CAMSAP1: variants seen among roughly 807,000 people sequenced by gnomAD.
The protein encoded by CAMSAP1 is calmodulin regulated spectrin associated protein 1.
Under a neutral mutation model 143.5 loss-of-function variants are expected in CAMSAP1, and 58 were observed. The ratio of observed to expected loss-of-function variants is 0.40; its 90% CI spans 0.33 to 0.50. CAMSAP1 has a LOEUF of 0.50. CAMSAP1 is among the 20% of genes least tolerant of loss of function. The probability of loss-of-function intolerance (pLI) is 0.45; values close to 1 mark genes in which losing one functional copy is unlikely to be tolerated. For missense variants in CAMSAP1, 1,969 were observed against 2,115.7 expected, an observed-to-expected ratio of 0.93 and a Z score of 1.36; for synonymous variants, 945 against 859.3, an observed-to-expected ratio of 1.10 and a Z score of -1.74.
At chr9:135,841,538 C>T (rs531808998) in intron 7 of CAMSAP1, among the ~76,000 whole-genome samples, 16 of 152,334 alleles carry the variant, frequency 1.1e-4, no homozygotes, top group South Asian at 4.1e-4. Flanking sequence ...CCCTGACTCC[C>T]GTGCCTCCTG....
chr9:135,847,521 C>T (rs1024381472), intron 7 of CAMSAP1, among the ~76,000 whole-genome samples: 3 of 151,558 alleles, frequency 2.0e-5, no homozygotes, highest in Admixed American at 2.0e-4. Context: ...ACTATGCAGC[C>T]ATTAAAAAAA....
At chr9:135,825,759 C>T (rs1835650859) in intron 8 of CAMSAP1, among the ~76,000 whole-genome samples, 1 of 149,154 alleles carries the variant, frequency 6.7e-6, no homozygotes, top group South Asian at 2.2e-4. Context: ...TGCAGACAGG[C>T]TGGGGAGATC....
chr9:135,899,316 C>T (rs967372383), intron 1 of CAMSAP1, among the ~76,000 whole-genome samples: 21 of 151,092 alleles, frequency 1.4e-4, no homozygotes, highest in African/African-American at 4.9e-5. Context: ...TGGCCGGGCG[C>T]GGTGGCTCAC....
chr9:135,869,540 T>C (rs1418752476), intron 3 of CAMSAP1, among the ~76,000 whole-genome samples: 1 of 147,682 alleles, frequency 6.8e-6, no homozygotes, highest in Non-Finnish European at 1.5e-5. Flanking sequence ...AAATAACAAA[T>C]GTTAGCAAGG....
intron 3 of CAMSAP1, among the ~76,000 whole-genome samples, chr9:135,879,035 C>T (rs1444822444): frequency 6.6e-6 from 1 of 152,172 alleles, no homozygotes; most frequent in Admixed American, 6.5e-5. Context: ...ACCACAGGAA[C>T]ATCAAGTCTG....
rs1248856207 is a variant in CAMSAP1 at position 135,826,902 on chromosome 9, G to A, written c.1223+505C>T. Among the ~76,000 whole-genome samples the A allele has an allele frequency of 2.0e-5, 3 of 152,118 alleles. No individual in the cohort carries two copies. Among genetic ancestry groups the A allele is most frequent in the East Asian group, 1.9e-4 (1 of 5,202 alleles). ...GATGAAAATTCATTTTAGAAAAAACGTTTTTTAAACAACTCTTTTTCTAGA... is the reference window on the plus strand; with the variant it reads ...GATGAAAATTCATTTTAGAAAAAACATTTTTTAAACAACTCTTTTTCTAGA... On this transcript the variant is annotated intron_variant, in intron 8 of 16. Coordinates refer to ENST00000389532, the MANE Select transcript of CAMSAP1 (RefSeq NM_015447.4). This position sits in a 1 kb window ranked among gnomAD's most constrained non-coding sequence, Gnocchi z 4.4.
chr9:135,866,624 A>G, intron 3 of CAMSAP1, 88 bp from the exon 4 acceptor site: 1 of 686,998 alleles, frequency 1.5e-6, no homozygotes, highest in Non-Finnish European at 2.7e-6. Flanking sequence ...CCCCCACTTC[A>G]CCTGATTCAC....
At chr9:135,828,638 A>G (rs1450877236) in intron 7 of CAMSAP1, among the ~76,000 whole-genome samples, 2 of 152,218 alleles carry the variant, frequency 1.3e-5, no homozygotes. Context: ...AGATTACCTG[A>G]AATTCTTTGA....
rs757687057 is a variant in CAMSAP1 at position 135,818,454 on chromosome 9, G to C, written c.4122C>G (p.His1374Gln). 5.0e-6 allele frequency: 8 copies of C among 1,601,594 alleles called. No homozygotes were observed. Among genetic ancestry groups the C allele is most frequent in the Admixed American group, 3.4e-5 (2 of 59,332 alleles). ...KPKKPRPKSV[H>Q]REESCSDSGT... is the part of the protein sequence containing the mutation. ...CGGAGTCGCTGCACGACTCTTCCCG[G>C]TGCACCGACTTCGGCCGCGGCTTCT... The change falls in exon 13 of 17, where the codon CAC (histidine) becomes CAG (glutamine). Residue 1374 changes from histidine (H) to glutamine (Q), a missense_variant. This residue lies in a region of CAMSAP1 where 1,390 missense variants were observed against 1,420.8 expected (regional missense o/e 0.98). Transcript: ENST00000389532. The surrounding 1 kb of genome is among the most constrained non-coding windows in gnomAD (Gnocchi z 7.7).
chr9:135,817,899 G>T (rs759913551), intron 14 of CAMSAP1, 78 bp downstream of exon 14: 2 of 1,091,656 alleles, frequency 1.8e-6, no homozygotes, highest in Admixed American at 2.2e-5. Flanking sequence ...CTCTCTCACC[G>T]TGTTTAATCA....
At chr9:135,883,674 A>C (rs1838031424) in intron 1 of CAMSAP1, among the ~76,000 whole-genome samples, 1 of 152,236 alleles carries the variant, frequency 6.6e-6, no homozygotes, top group Non-Finnish European at 1.5e-5. Context: ...CAGCAGCAGC[A>C]ATCAGCCTTT....
intron 7 of CAMSAP1, among the ~76,000 whole-genome samples, chr9:135,837,351 G>A (rs952518995): frequency 1.4e-5 from 2 of 147,460 alleles, no homozygotes; most frequent in African/African-American, 2.5e-5. Flanking sequence ...ACATCATCAC[G>A]CACTTTCTAC....
intron 7 of CAMSAP1, among the ~76,000 whole-genome samples, chr9:135,838,228 T>A (rs1372415636): frequency 6.3e-5 from 9 of 142,614 alleles, no homozygotes; most frequent in Non-Finnish European, 1.1e-4. Context: ...CAGACACACG[T>A]CATCACGCAC....
chr9:135,870,738 T>C (rs2130954852), intron 3 of CAMSAP1, among the ~76,000 whole-genome samples: 1 of 152,286 alleles, frequency 6.6e-6, no homozygotes, highest in East Asian at 1.9e-4. Flanking sequence ...GAGGTGGCAG[T>C]GAGCCAAGAT....
At chr9:135,865,011 G>A (rs1444702393) in intron 4 of CAMSAP1, among the ~76,000 whole-genome samples, 1 of 152,108 alleles carries the variant, frequency 6.6e-6, no homozygotes, top group Non-Finnish European at 1.5e-5. Context: ...AATATACAGA[G>A]TAACTTGGGC....
chr9:135,816,153 A>G, intron 14 of CAMSAP1, 148 bp from the exon 15 acceptor site: 1 of 661,182 alleles, frequency 1.5e-6, no homozygotes, highest in South Asian at 1.8e-5. Flanking sequence ...AGTTGCCACA[A>G]CTCCCACACA....
rs201767489 is a variant in CAMSAP1 at position 135,818,110 on chromosome 9, T to A, written c.4169-31A>T. On this transcript the variant is annotated intron_variant, in intron 13 of 16. Coordinates refer to ENST00000389532, the MANE Select transcript of CAMSAP1 (RefSeq NM_015447.4). This position sits in a 1 kb window ranked among gnomAD's most constrained non-coding sequence, Gnocchi z 7.7. ...AGAGACAGAAACAGACGACGGTTCA[T>A]GAACGGATTCCGACAGACAAGTACC... is the stretch of plus-strand genomic sequence containing the variant. 4.4e-5 allele frequency: 70 copies of A among 1,605,446 alleles called. No individual in the cohort carries two copies. Among genetic ancestry groups the A allele is most frequent in the Non-Finnish European group, 8.5e-6 (10 of 1,173,238 alleles).
chr9:135,849,345 C>T (rs371194707), intron 7 of CAMSAP1, among the ~76,000 whole-genome samples: 1 of 152,222 alleles, frequency 6.6e-6, no homozygotes, highest in Admixed American at 6.5e-5. Context: ...GAACGTGCAT[C>T]GCTTTTGCAC....
At chr9:135,879,087 A>G (rs568010071) in intron 3 of CAMSAP1, among the ~76,000 whole-genome samples, 1 of 152,242 alleles carries the variant, frequency 6.6e-6, no homozygotes, top group South Asian at 2.1e-4. Flanking sequence ...CCGCAGGGGA[A>G]TGAGGAGGAG....
Sources: gnomAD v4.1 joint callset for allele counts (sites outside exome capture counted in the v4.1 genomes callset) on GRCh38, gnomAD v4.1.1 for gene constraint, gnomAD v4.1.1 regional missense constraint, Gnocchi (gnomAD v3.1) non-coding constraint, MANE v1.5 for transcripts, NCBI Gene and HGNC (gene_info 2026-07-23, HGNC 2026-07-21) for gene names.